Variants in ATP7A observed in about 807,000 individuals in gnomAD.
ATP7A encodes the protein copper-transporting ATPase 1.
Under a neutral mutation model 83.5 loss-of-function variants are expected in ATP7A, and 7 were observed. The ratio of observed to expected loss-of-function variants is 0.08; its 90% confidence interval spans 0.05 to 0.16. ATP7A has a LOEUF of 0.16. Among genes scored for constraint, ATP7A ranks in the 10% least tolerant of loss-of-function variants. The pLI is 1.00. For missense variants in ATP7A, 940 were observed against 1,120.8 expected, an observed-to-expected ratio of 0.84 and a Z score of 2.30; for synonymous variants, 354 against 395.2, an observed-to-expected ratio of 0.90 and a Z score of 1.24.
At chrX:77,931,650 G>A (rs1237486385) in intron 1 of ATP7A, among the ~76,000 whole-genome samples, 1 of 65,180 alleles carries the variant, frequency 1.5e-5, no homozygotes, top group African/African-American at 5.8e-5. Flanking sequence ...GGGCTGACCC[G>A]CCCACCTCCC....
intron 1 of ATP7A, among the ~76,000 whole-genome samples, chrX:77,955,351 A>C (rs1051878335): frequency 9.0e-5 from 10 of 111,431 alleles, no homozygotes; most frequent in African/African-American, 2.9e-4. Context: ...GATGGTATCA[A>C]ACTATCACTT....
At chrX:77,911,255 C>T (rs1365802901) in intron 1 of ATP7A, among the ~76,000 whole-genome samples, 2 of 112,439 alleles carry the variant, frequency 1.8e-5, no homozygotes, top group Admixed American at 1.9e-4. Context: ...TATTTGGCTT[C>T]TTGTCTTGCT....
chrX:77,915,186 G>A (rs146981453), intron 1 of ATP7A, among the ~76,000 whole-genome samples: 178 of 111,259 alleles, frequency 1.6e-3, no homozygotes, highest in African/African-American at 5.2e-3. Context: ...GTGTTGGCAC[G>A]TGCCTGTAGT....
At chrX:77,928,005 T>C (rs1258000595) in intron 1 of ATP7A, among the ~76,000 whole-genome samples, 2 of 110,859 alleles carry the variant, frequency 1.8e-5, no homozygotes, top group African/African-American at 6.6e-5. Flanking sequence ...AGACGGGGTC[T>C]CACTCTGTCA....
chrX:77,972,575 T>C (rs1291999967), intron 2 of ATP7A, among the ~76,000 whole-genome samples: 1 of 112,137 alleles, frequency 8.9e-6, no homozygotes, highest in Non-Finnish European at 1.9e-5. Flanking sequence ...GGTCTTGAAC[T>C]CCTGACCTCA....
At position 78,011,668 on chromosome X, in the gene ATP7A, T is replaced by A; in HGVS notation, c.2166T>A (p.Pro722=). Residue 722 remains proline, a synonymous_variant, in exon 9 of 23, where the codon CCT becomes CCA. Coordinates refer to ENST00000341514, the MANE Select transcript of ATP7A (RefSeq NM_000052.7). ...MNLLSFLLCV[P]VQFFGGWYFY... is the part of the protein sequence containing the mutation. ...TGCTGTCCTTTTTATTGTGTGTACCTGTACAGGCAAGTGAATTGTTAGCAA... is the reference window on the plus strand; with the variant it reads ...TGCTGTCCTTTTTATTGTGTGTACCAGTACAGGCAAGTGAATTGTTAGCAA... 1 of 1,206,383 alleles carries A rather than the reference T, an allele frequency of 8.3e-7. No homozygotes were observed. Among genetic ancestry groups the A allele is most frequent in the Non-Finnish European group, 1.1e-6 (1 of 890,640 alleles).
chrX:77,978,483 T>A (rs2077588112), intron 2 of ATP7A, among the ~76,000 whole-genome samples: 1 of 111,636 alleles, frequency 9.0e-6, no homozygotes, highest in South Asian at 3.7e-4. Flanking sequence ...AAATTTGAAA[T>A]GCCCTGAAAT....
chrX:77,911,401 G>A (rs1002231702), intron 1 of ATP7A, among the ~76,000 whole-genome samples: 1 of 111,314 alleles, frequency 9.0e-6, no homozygotes, highest in African/African-American at 3.3e-5. Context: ...CGTTGTAGAC[G>A]TTGAGATTAT....
chrX:78,040,206 C>CA (rs1193471934), intron 18 of ATP7A, among the ~76,000 whole-genome samples: 1 of 102,857 alleles, frequency 9.7e-6, no homozygotes, highest in Non-Finnish European at 2.0e-5. Context: ...TCTGCCCCCC[C>CA]CCCCTTACCT....
chrX:78,045,483 C>T lies in ATP7A; in HGVS notation c.4137C>T (p.Pro1379=). The T allele has an allele frequency of 8.3e-7, 1 of 1,209,683 alleles. No homozygotes were observed. The highest frequency in any genetic ancestry group is 1.1e-6 in the Non-Finnish European group (1 of 893,891). The change falls in exon 22 of 23, where the codon CCC becomes CCT. Residue 1379 remains proline (P), a synonymous_variant. Transcript: ENST00000341514. Reference sequence around the variant, plus strand: ...CTTGTTTCTTAGGAGTTTTTATGCCCATTGGTTTGGTTTTGCAGCCCTGGA... The same window carrying T: ...CTTGTTTCTTAGGAGTTTTTATGCCTATTGGTTTGGTTTTGCAGCCCTGGA... ...GIPIAAGVFM[P]IGLVLQPWMG... is the part of the protein sequence containing the mutation.
chrX:78,047,012 G>A lies in ATP7A; in HGVS notation c.*442G>A, dbSNP rs1252709511. On this transcript the variant is annotated 3_prime_UTR_variant, in exon 23 of 23. Transcript: ENST00000341514. ...CAAGCCTGTATCCCTGCCCCACTGGGGAGCAATGACTTTCAAAGCACTGTG... is the reference window on the plus strand; with the variant it reads ...CAAGCCTGTATCCCTGCCCCACTGGAGAGCAATGACTTTCAAAGCACTGTG... 7.8e-6 allele frequency: 1 copy of A among 128,217 alleles called. No homozygotes were observed. The highest frequency in any genetic ancestry group is 1.6e-5 in the Non-Finnish European group (1 of 63,888). 10.6% of individuals were successfully genotyped at this position (128,217 alleles called of 1,213,427 possible).
intron 4 of ATP7A, among the ~76,000 whole-genome samples, chrX:77,992,276 G>A (rs1190271654): frequency 9.2e-6 from 1 of 109,214 alleles, no homozygotes; most frequent in Non-Finnish European, 1.9e-5. Context: ...TTTTGGTCAG[G>A]CTGGTCTTGA....
At chrX:78,022,599 C>T (rs1337317536) in intron 14 of ATP7A, among the ~76,000 whole-genome samples, 1 of 110,035 alleles carries the variant, frequency 9.1e-6, no homozygotes, top group Non-Finnish European at 1.9e-5. Flanking sequence ...CTCACTGCAA[C>T]TTCCACCTCC....
chrX:77,931,595 C>T (rs1370069218), intron 1 of ATP7A, among the ~76,000 whole-genome samples: 1 of 110,740 alleles, frequency 9.0e-6, no homozygotes, highest in African/African-American at 3.3e-5. Flanking sequence ...GGCGGCCGGG[C>T]AGAGGCGCCC....
chrX:77,961,453 T>C (rs999103128), intron 1 of ATP7A, among the ~76,000 whole-genome samples: 1 of 112,093 alleles, frequency 8.9e-6, no homozygotes. Flanking sequence ...TTGAATTTGA[T>C]GTTTTCCCAT....
intron 19 of ATP7A, 107 bp downstream of exon 19, chrX:78,040,840 G>A: frequency 3.0e-6 from 3 of 993,949 alleles, no homozygotes; most frequent in Non-Finnish European, 4.3e-6. Flanking sequence ...TTATCACTGA[G>A]TAGTCCTATC....
rs1258855006 is a variant in ATP7A at position 77,958,910 on chromosome X, T to G, written c.-21-12711T>G. Among the ~76,000 whole-genome samples, 6 of 105,501 alleles carry G rather than the reference T, an allele frequency of 5.7e-5. No individual in the cohort carries two copies. The Admixed American group carries it at 6.2e-4, about 11-fold the overall frequency. 91.6% of individuals were successfully genotyped at this position (105,501 alleles called of 115,157 possible). A position where few individuals can be genotyped will look rare whatever the true frequency, so the allele number is the denominator to read the frequency against. ...TTCAAGTGATTCTCCTGCCTCAGCC[T>G]CCCAAGTAGCTAGGATTACAGGTGT... On this transcript the variant is annotated intron_variant, in intron 1 of 22. Transcript: ENST00000341514.
Position 78,014,765 on chromosome X carries a change from C to T in ATP7A, c.2498+12C>T. On this transcript the variant is annotated intron_variant, in intron 11 of 22. Transcript: ENST00000341514. The stretch of plus-strand genomic sequence containing the variant: ...AATATCCTCCTCAGGTATTTATCTT[C>T]ACTCTTCCCTCTTCTCTTTTTTTAA... 1 of 1,137,817 alleles carries T rather than the reference C, an allele frequency of 8.8e-7. No individual in the cohort carries two copies. 93.8% of individuals were successfully genotyped at this position (1,137,817 alleles called of 1,213,427 possible). A position where few individuals can be genotyped will look rare whatever the true frequency, so the allele number is the denominator to read the frequency against.
chrX:77,973,765 C>T (rs1191554271), intron 2 of ATP7A, among the ~76,000 whole-genome samples: 1 of 111,543 alleles, frequency 9.0e-6, no homozygotes, highest in Non-Finnish European at 1.9e-5. Context: ...CTGGGATTTT[C>T]GTTGAGATTG....
Sources: allele counts gnomAD v4.1 joint callset (sites outside exome capture counted in the v4.1 genomes callset), GRCh38; gene constraint gnomAD v4.1.1; transcripts MANE v1.5; gene names NCBI Gene and HGNC (gene_info 2026-07-23, HGNC 2026-07-21).